Variants in DDX10 observed in about 807,000 individuals in gnomAD.
DDX10 encodes the protein probable ATP-dependent RNA helicase DDX10.
In DDX10, 74 loss-of-function variants were observed where a neutral mutation model predicts 104.3. The observed-to-expected ratio is 0.71, with a 90% CI of 0.59 to 0.86. The LOEUF (loss-of-function observed/expected upper bound fraction) is 0.86, where lower values mean the gene tolerates loss of function less well. Among genes scored for constraint, DDX10 ranks in the 40% least tolerant of loss-of-function variants. DDX10 has a pLI of 0.00. For synonymous variants in DDX10, 351 were observed against 353.4 expected (o/e 0.99, Z 0.08); for missense variants, 952 against 1,040.0 (o/e 0.92, Z 1.16).
intron 16 of DDX10, among the ~76,000 whole-genome samples, chr11:108,885,495 T>A (rs184478522): frequency 6.6e-6 from 1 of 152,018 alleles, no homozygotes; most frequent in Non-Finnish European, 1.5e-5. Context: ...GTAGCTGGGA[T>A]TACAGGTGCC....
chr11:108,764,885 G>C (rs956420195), intron 13 of DDX10, among the ~76,000 whole-genome samples: 2 of 152,150 alleles, frequency 1.3e-5, no homozygotes, highest in African/African-American at 4.8e-5. Context: ...AGTGATTCTA[G>C]TGTAAATTAT....
chr11:108,666,997 C>T (rs1016139290), intron 1 of DDX10, among the ~76,000 whole-genome samples: 4 of 152,196 alleles, frequency 2.6e-5, no homozygotes, highest in South Asian at 2.1e-4. Context: ...TATATCCAGT[C>T]GGTCACACTG....
chr11:108,900,112 CA>C (rs111587278), intron 16 of DDX10, among the ~76,000 whole-genome samples: 1,617 of 142,158 alleles, frequency 0.011, 25 homozygotes, highest in African/African-American at 0.033. Flanking sequence ...AACTCTGTCT[CA>C]AAAAAAAAAA....
intron 1 of DDX10, 121 bp downstream of exon 1, chr11:108,665,460 G>C: frequency 3.5e-6 from 4 of 1,144,208 alleles, no homozygotes. Flanking sequence ...GGGAATGAGA[G>C]GTCACGCCGG....
chr11:108,739,961 G>A lies in DDX10; in HGVS notation c.1965+16499G>A, dbSNP rs550954556. On this transcript the variant is annotated intron_variant, in intron 13 of 17. Transcript: ENST00000322536. ...TTGTTGTTGTTTGTTTTCGTGAGAA[G>A]TTTTGGCTACCCACCTTTTTTTTTT... is the stretch of plus-strand genomic sequence containing the variant. Among the ~76,000 whole-genome samples the A allele has an allele frequency of 7.5e-5, 11 of 146,798 alleles. No individual in the cohort carries two copies. The South Asian group carries it at 2.3e-3, about 31-fold the overall frequency.
intron 13 of DDX10, among the ~76,000 whole-genome samples, chr11:108,800,008 G>A (rs1861997049): frequency 6.6e-6 from 1 of 151,972 alleles, no homozygotes; most frequent in Non-Finnish European, 1.5e-5. Flanking sequence ...AGCCTCCAAA[G>A]CTCACTATAG....
chr11:108,930,712 A>C (rs906101700), intron 17 of DDX10, among the ~76,000 whole-genome samples: 8 of 152,208 alleles, frequency 5.3e-5, no homozygotes, highest in African/African-American at 1.9e-4. Flanking sequence ...TGTAGTTTAA[A>C]GAAAGCTGTT....
chr11:108,876,065 A>C (rs1863150341), intron 16 of DDX10, among the ~76,000 whole-genome samples: 1 of 152,176 alleles, frequency 6.6e-6, no homozygotes, highest in Non-Finnish European at 1.5e-5. Flanking sequence ...GAAAAGTATT[A>C]GGTTGAATCT....
chr11:108,929,246 A>G (rs557546381), intron 17 of DDX10, among the ~76,000 whole-genome samples: 48 of 152,332 alleles, frequency 3.2e-4, no homozygotes, highest in African/African-American at 1.0e-3. Flanking sequence ...AGCAGACAAG[A>G]GGTGGTGACA....
At chr11:108,730,662 C>T (rs115273488) in intron 13 of DDX10, among the ~76,000 whole-genome samples, 1 of 152,036 alleles carries the variant, frequency 6.6e-6, no homozygotes, top group African/African-American at 2.4e-5. Context: ...GTTGAACTTC[C>T]TATAAATGTG....
At chr11:108,669,803 C>T (rs189186532) in intron 1 of DDX10, among the ~76,000 whole-genome samples, 6 of 152,198 alleles carry the variant, frequency 3.9e-5, no homozygotes, top group Admixed American at 2.0e-4. Flanking sequence ...GTCAGAATGA[C>T]GTGATGTGAG....
intron 16 of DDX10, among the ~76,000 whole-genome samples, chr11:108,882,467 T>C (rs1024170948): frequency 2.0e-5 from 3 of 152,156 alleles, no homozygotes; most frequent in Admixed American, 1.3e-4. Flanking sequence ...TGGGCTGAAA[T>C]GAGCTCAGCA....
At chr11:108,763,532 G>A (rs974416719) in intron 13 of DDX10, among the ~76,000 whole-genome samples, 18 of 152,190 alleles carry the variant, frequency 1.2e-4, no homozygotes, top group African/African-American at 2.7e-4. Flanking sequence ...AGTATTTACC[G>A]TATCAGTTAG....
chr11:108,898,278 T>A (rs1863467037), intron 16 of DDX10, among the ~76,000 whole-genome samples: 1 of 152,000 alleles, frequency 6.6e-6, no homozygotes, highest in African/African-American at 2.4e-5. Flanking sequence ...AAAAGCCCGC[T>A]ATGGATGGGA....
chr11:108,723,789 C>T (rs564442281), intron 13 of DDX10, among the ~76,000 whole-genome samples: 3 of 152,116 alleles, frequency 2.0e-5, no homozygotes, highest in Admixed American at 6.5e-5. Flanking sequence ...GAGGATCCTT[C>T]GTTAAAATTC....
chr11:108,892,391 A>G (rs541452540), intron 16 of DDX10, among the ~76,000 whole-genome samples: 2 of 152,120 alleles, frequency 1.3e-5, no homozygotes, highest in Non-Finnish European at 2.9e-5. Context: ...CAGCCAACAG[A>G]ATTGTGAACC....
chr11:108,667,986 G>C (rs2094212182), intron 1 of DDX10, among the ~76,000 whole-genome samples: 1 of 152,218 alleles, frequency 6.6e-6, no homozygotes, highest in Admixed American at 6.5e-5. Flanking sequence ...GCACTCCCCA[G>C]AGTCTGGTAG....
At chr11:108,911,951 G>A (rs1863686359) in intron 16 of DDX10, among the ~76,000 whole-genome samples, 1 of 152,144 alleles carries the variant, frequency 6.6e-6, no homozygotes, top group Non-Finnish European at 1.5e-5. Context: ...TTAAACTGCT[G>A]TCTTCTTGGT....
At chr11:108,903,081 C>G (rs1317937518) in intron 16 of DDX10, among the ~76,000 whole-genome samples, 1 of 152,080 alleles carries the variant, frequency 6.6e-6, no homozygotes, top group Non-Finnish European at 1.5e-5. Context: ...AAACTTGACC[C>G]TGCAGACCCT....
Sources: allele counts gnomAD v4.1 joint callset (sites outside exome capture counted in the v4.1 genomes callset), GRCh38; gene constraint gnomAD v4.1.1; transcripts MANE v1.5; gene names NCBI Gene and HGNC (gene_info 2026-07-23, HGNC 2026-07-21).